Variants in GTF2H5 observed in about 807,000 individuals in gnomAD.
GTF2H5 encodes TFB5 ortholog.
GTF2H5 carries 5 observed loss-of-function variants against 7.1 expected under a neutral mutation model. The observed-to-expected ratio is 0.71, with a 90% CI of 0.37 to 1.49. The LOEUF (loss-of-function observed/expected upper bound fraction) is 1.49. Among genes scored for constraint, GTF2H5 ranks in the 40% most tolerant of loss-of-function variants. The probability of loss-of-function intolerance (pLI) is 0.03; values close to 1 mark genes in which losing one functional copy is unlikely to be tolerated. For missense variants in GTF2H5, 80 were observed against 83.0 expected (o/e 0.96, Z 0.14); for synonymous variants, 30 against 31.7 (o/e 0.95, Z 0.18).
chr6:158,174,901 A>AAT (rs1785908225), intron 2 of GTF2H5, among the ~76,000 whole-genome samples: 1 of 152,128 alleles, frequency 6.6e-6, no homozygotes, highest in South Asian at 2.1e-4. Context: ...AAACCAGTCT[A>AAT]ACCATTGTTC....
At chr6:158,184,178 G>A (rs1776857764) in intron 2 of GTF2H5, among the ~76,000 whole-genome samples, 1 of 152,116 alleles carries the variant, frequency 6.6e-6, no homozygotes, top group Non-Finnish European at 1.5e-5. Context: ...TAAAGCCTTG[G>A]GGTTAGCGGG....
intron 2 of GTF2H5, among the ~76,000 whole-genome samples, chr6:158,175,070 A>G (rs565033228): frequency 2.3e-4 from 26 of 113,188 alleles, no homozygotes; most frequent in Non-Finnish European, 3.9e-4. Flanking sequence ...ACATACACAT[A>G]TATAGATATG....
intron 1 of GTF2H5, among the ~76,000 whole-genome samples, chr6:158,169,765 T>TATATATA (rs200746782): frequency 1.2e-5 from 1 of 84,480 alleles, no homozygotes; most frequent in African/African-American, 4.2e-5. Flanking sequence ...TATTGTATAT[T>TATATATA]ATATATAATA....
Position 158,196,305 on chromosome 6 carries a change from A to T in GTF2H5, c.*4148A>T, listed in dbSNP as rs1777111097. On this transcript the variant is annotated 3_prime_UTR_variant, in exon 3 of 3. Transcript: ENST00000607778. ...CCATCTCAAAAAAAATAAAAATGAAAAGCACTGATTGAATCTAGATTCCTT... is the reference window on the plus strand; with the variant it reads ...CCATCTCAAAAAAAATAAAAATGAATAGCACTGATTGAATCTAGATTCCTT... 6.6e-6 allele frequency: 1 copy of T among 152,084 alleles called. No individual in the cohort carries two copies. The highest frequency in any genetic ancestry group is 2.1e-4 in the South Asian group (1 of 4,824). The allele number at this position is 152,084 out of a possible 1,614,324, so 9.4% of individuals were successfully genotyped here.
chr6:158,188,161 C>T (rs148671931), intron 2 of GTF2H5, among the ~76,000 whole-genome samples: 94 of 152,210 alleles, frequency 6.2e-4, no homozygotes, highest in African/African-American at 2.2e-3. Context: ...GAAGTGGGCA[C>T]CACGGTCATA....
chr6:158,174,283 T>A (rs1490332364), intron 2 of GTF2H5, among the ~76,000 whole-genome samples: 2 of 152,198 alleles, frequency 1.3e-5, no homozygotes, highest in Non-Finnish European at 2.9e-5. Flanking sequence ...GATCCACATA[T>A]ATCTTAGATT....
intron 2 of GTF2H5, among the ~76,000 whole-genome samples, chr6:158,176,051 G>A (rs1785930116): frequency 6.6e-6 from 1 of 152,164 alleles, no homozygotes; most frequent in Non-Finnish European, 1.5e-5. Flanking sequence ...GGTAAGTGCT[G>A]TCATCTCCAT....
At chr6:158,171,673 G>C (rs1785858089) in intron 2 of GTF2H5, among the ~76,000 whole-genome samples, 1 of 152,186 alleles carries the variant, frequency 6.6e-6, no homozygotes, top group African/African-American at 2.4e-5. Flanking sequence ...GGAAAGGGAG[G>C]TGAGGAGGTG....
In GTF2H5 at chr6:158,196,573, C is replaced by T. The variant is rs1416390378; in HGVS notation, c.*4416C>T. 1 of 152,122 alleles carries T rather than the reference C, an allele frequency of 6.6e-6. No homozygotes were observed. The highest frequency in any genetic ancestry group is 1.5e-5 in the Non-Finnish European group (1 of 68,014). 9.4% of individuals were successfully genotyped at this position (152,122 alleles called of 1,614,324 possible). A position where few individuals can be genotyped will look rare whatever the true frequency, so the allele number is the denominator to read the frequency against. ...AACTCATCATTATAACATGTCTGAA[C>T]AGGATCTAGTTTGAGGCACTAAGAA... is the stretch of plus-strand genomic sequence containing the variant. On this transcript the variant is annotated 3_prime_UTR_variant, in exon 3 of 3. Coordinates refer to ENST00000607778, the MANE Select transcript of GTF2H5 (RefSeq NM_207118.3).
chr6:158,182,703 C>T (rs185186621), intron 2 of GTF2H5, among the ~76,000 whole-genome samples: 1 of 151,986 alleles, frequency 6.6e-6, no homozygotes, highest in Non-Finnish European at 1.5e-5. Flanking sequence ...ACGAAGTTCT[C>T]GTACTGTGGT....
Position 158,169,751 on chromosome 6 carries a change from A to AT in GTF2H5, c.-34-719_-34-718insT, listed in dbSNP as rs1562469427. 1.4e-3 allele frequency among the ~76,000 whole-genome samples: 79 copies of AT among 56,630 alleles called. 4 individuals are homozygous for AT. The highest frequency in any genetic ancestry group is 6.0e-3 in the African/African-American group (77 of 12,860). The allele number at this position is 56,630 out of a possible 152,430, so 37.2% of individuals were successfully genotyped here. A position where few individuals can be genotyped will look rare whatever the true frequency, so the allele number is the denominator to read the frequency against. On this transcript the variant is annotated intron_variant, in intron 1 of 2. Transcript: ENST00000607778. ...ATATATTGTATATTATATATTATAT[A>AT]ATATATTGTATATTATATATAATAT...
At chr6:158,169,683 A>ATTGTATATTATATG (rs1280219303) in intron 1 of GTF2H5, among the ~76,000 whole-genome samples, 3 of 89,542 alleles carry the variant, frequency 3.4e-5, no homozygotes, top group Non-Finnish European at 5.5e-5. Context: ...TATATAATAT[A>ATTGTATATTATATG]TAATATATAT....
chr6:158,169,632 A>G (rs1281313272), intron 1 of GTF2H5, among the ~76,000 whole-genome samples: 2 of 85,630 alleles, frequency 2.3e-5, no homozygotes, highest in African/African-American at 6.0e-5. Context: ...AATATATTGT[A>G]TATTACATAT....
chr6:158,185,955 A>T (rs1776915786), intron 2 of GTF2H5, among the ~76,000 whole-genome samples: 1 of 152,160 alleles, frequency 6.6e-6, no homozygotes. Context: ...GATGACGCCT[A>T]CTGCCCTCCA....
intron 2 of GTF2H5, among the ~76,000 whole-genome samples, chr6:158,187,394 C>T (rs994905818): frequency 2.0e-5 from 3 of 152,112 alleles, no homozygotes; most frequent in African/African-American, 7.2e-5. Flanking sequence ...ATTATTCCCA[C>T]AAGAGACAGC....
At chr6:158,176,190 A>G (rs915925937) in intron 2 of GTF2H5, among the ~76,000 whole-genome samples, 1 of 152,022 alleles carries the variant, frequency 6.6e-6, no homozygotes, top group Non-Finnish European at 1.5e-5. Context: ...CGTTACATAT[A>G]CTATCTCTCC....
At chr6:158,179,352 G>A (rs777712358) in intron 2 of GTF2H5, among the ~76,000 whole-genome samples, 1 of 152,066 alleles carries the variant, frequency 6.6e-6, no homozygotes, top group Admixed American at 6.6e-5. Flanking sequence ...TCCATATGAA[G>A]TTTAAAGTAG....
At chr6:158,178,814 T>G (rs1411221454) in intron 2 of GTF2H5, among the ~76,000 whole-genome samples, 1 of 152,236 alleles carries the variant, frequency 6.6e-6, no homozygotes, top group African/African-American at 2.4e-5. Context: ...TTCACTCTGA[T>G]GATAGTTTCT....
intron 2 of GTF2H5, among the ~76,000 whole-genome samples, chr6:158,185,130 C>T (rs1233956087): frequency 6.9e-6 from 1 of 144,834 alleles, no homozygotes; most frequent in Non-Finnish European, 1.5e-5. Context: ...ACAAAATGTC[C>T]CTTAAACTTT....
Sources: allele counts gnomAD v4.1 joint callset (sites outside exome capture counted in the v4.1 genomes callset), GRCh38; gene constraint gnomAD v4.1.1; transcripts MANE v1.5; gene names NCBI Gene and HGNC (gene_info 2026-07-23, HGNC 2026-07-21).